The following AGBL1 variants were observed in gnomAD, a reference collection of about 807,000 sequenced individuals.
AGBL1 encodes cytosolic carboxypeptidase 4.
A neutral mutation model predicts 118.9 loss-of-function variants in AGBL1; 130 were observed. The ratio of observed to expected loss-of-function variants is 1.09; its 90% CI spans 0.95 to 1.26. The LOEUF is 1.26. Among genes scored for constraint, AGBL1 ranks in the 50% most tolerant of loss-of-function variants. The probability of loss-of-function intolerance (pLI) is 0.00; values close to 1 mark genes in which losing one functional copy is unlikely to be tolerated. For missense variants in AGBL1, 1,584 were observed against 1,298.1 expected, an observed-to-expected ratio of 1.22 and a Z score of -3.38; for synonymous variants, 555 against 478.9, an observed-to-expected ratio of 1.16 and a Z score of -2.08.
At chr15:87,025,851 C>G (rs2081721546) in intron 24 of AGBL1, among the ~76,000 whole-genome samples, 1 of 151,802 alleles carries the variant, frequency 6.6e-6, no homozygotes, top group Admixed American at 6.6e-5. Context: ...AGAAATGAAC[C>G]CAAATACTTA....
At chr15:86,116,934 C>A (rs1269525262) in intron 1 of AGBL1, among the ~76,000 whole-genome samples, 3 of 151,062 alleles carry the variant, frequency 2.0e-5, no homozygotes, top group Non-Finnish European at 4.4e-5. Flanking sequence ...GCCTCAGAAA[C>A]ACCTTTCTTT....
At chr15:87,007,316 G>T (rs1029643502) in intron 24 of AGBL1, among the ~76,000 whole-genome samples, 2 of 152,064 alleles carry the variant, frequency 1.3e-5, no homozygotes, top group Non-Finnish European at 2.9e-5. Context: ...CTCTTAAAAT[G>T]ATCCATATTA....
intron 21 of AGBL1, among the ~76,000 whole-genome samples, chr15:86,672,832 T>C (rs759879495): frequency 5.9e-5 from 9 of 152,184 alleles, no homozygotes; most frequent in Non-Finnish European, 1.0e-4. Context: ...AAGTAATGTC[T>C]CCTTTCTTTA....
At chr15:86,327,463 A>T (rs2080200727) in intron 17 of AGBL1, among the ~76,000 whole-genome samples, 1 of 152,236 alleles carries the variant, frequency 6.6e-6, no homozygotes, top group Admixed American at 6.5e-5. Context: ...CTTTGGATGT[A>T]GAAATTTTGG....
chr15:86,599,499 T>G (rs1020364839), intron 21 of AGBL1, among the ~76,000 whole-genome samples: 1 of 152,164 alleles, frequency 6.6e-6, no homozygotes, highest in Non-Finnish European at 1.5e-5. Flanking sequence ...AATTTACTTA[T>G]GTTATGCATT....
chr15:86,582,554 A>G lies in AGBL1; in HGVS notation c.2994+28017A>G, dbSNP rs576442439. On this transcript the variant is annotated intron_variant, in intron 21 of 22. Coordinates refer to ENST00000614907, the MANE Select transcript of AGBL1 (RefSeq NM_001386094.1). ...ATAAATCATGCTGCTATAAAGACAC[A>G]TGCACACGTATGTTTATTGAGGCAC... is the stretch of plus-strand genomic sequence containing the variant. Among the ~76,000 whole-genome samples, 98 of 152,250 alleles carry G rather than the reference A, an allele frequency of 6.4e-4. 1 individual carries two copies. The highest frequency in any genetic ancestry group is 2.2e-3 in the African/African-American group (90 of 41,548).
chr15:86,742,501 G>A (rs2077694538), intron 22 of AGBL1, among the ~76,000 whole-genome samples: 1 of 152,064 alleles, frequency 6.6e-6, no homozygotes, highest in Non-Finnish European at 1.5e-5. Context: ...TGGGCTTGAA[G>A]TATCACGAGA....
chr15:86,252,187 A>T (rs1014571366), intron 7 of AGBL1, among the ~76,000 whole-genome samples: 5 of 152,190 alleles, frequency 3.3e-5, no homozygotes, highest in Admixed American at 3.3e-4. Flanking sequence ...ATAAGAACTG[A>T]TATGGCCTTT....
At chr15:86,605,705 A>C (rs191378791) in intron 21 of AGBL1, among the ~76,000 whole-genome samples, 1 of 152,240 alleles carries the variant, frequency 6.6e-6, no homozygotes, top group Non-Finnish European at 1.5e-5. Flanking sequence ...ATTTTTCAGA[A>C]TATCGCAAAA....
At chr15:86,544,597 G>T (rs2083552621) in intron 19 of AGBL1, among the ~76,000 whole-genome samples, 1 of 152,136 alleles carries the variant, frequency 6.6e-6, no homozygotes, top group South Asian at 2.1e-4. Flanking sequence ...GGCAAGAGAA[G>T]GAATACAGGG....
chr15:86,640,173 T>C (rs1164165582), intron 21 of AGBL1, among the ~76,000 whole-genome samples: 6 of 152,190 alleles, frequency 3.9e-5, no homozygotes, highest in Non-Finnish European at 5.9e-5. Flanking sequence ...CCTAGATGAA[T>C]GCTCCACCTA....
intron 21 of AGBL1, among the ~76,000 whole-genome samples, chr15:86,626,339 G>A (rs1327334175): frequency 1.3e-5 from 2 of 152,282 alleles, no homozygotes; most frequent in East Asian, 1.9e-4. Context: ...GAAAAAGAAC[G>A]AGACCATGTC....
At chr15:86,260,900 C>G (rs966563869) in intron 9 of AGBL1, among the ~76,000 whole-genome samples, 6 of 152,152 alleles carry the variant, frequency 3.9e-5, no homozygotes, top group Non-Finnish European at 7.3e-5. Context: ...AGAATAAATG[C>G]CATTTATAAG....
chr15:86,831,595 A>C (rs896221848), intron 22 of AGBL1, among the ~76,000 whole-genome samples: 3 of 152,234 alleles, frequency 2.0e-5, no homozygotes, highest in African/African-American at 7.2e-5. Context: ...TCTCACATCC[A>C]GGTCATGCTG....
intron 22 of AGBL1, among the ~76,000 whole-genome samples, chr15:86,793,803 C>G (rs74439715): frequency 0.052 from 7,939 of 152,200 alleles, 433 homozygotes; most frequent in East Asian, 0.12. Flanking sequence ...CTTGAGTAGA[C>G]TTTTTCCAAA....
At chr15:86,410,807 G>GATAGATAT (rs1555481487) in intron 18 of AGBL1, among the ~76,000 whole-genome samples, 2 of 40,362 alleles carry the variant, frequency 5.0e-5, no homozygotes, top group South Asian at 7.9e-4. Flanking sequence ...GTCAAATGTA[G>GATAGATAT]ATATATATAT....
intron 22 of AGBL1, among the ~76,000 whole-genome samples, chr15:86,815,784 C>G (rs143873597): frequency 0.012 from 1,797 of 152,154 alleles, 26 homozygotes; most frequent in Middle Eastern, 0.061. Flanking sequence ...TCTTCTACCT[C>G]CCAGAATATG....
chr15:86,942,528 C>G (rs187047498), intron 23 of AGBL1, among the ~76,000 whole-genome samples: 1 of 152,138 alleles, frequency 6.6e-6, no homozygotes, highest in African/African-American at 2.4e-5. Flanking sequence ...TTCCAGGAAC[C>G]AGCAACCACA....
intron 13 of AGBL1, among the ~76,000 whole-genome samples, chr15:86,268,036 C>A (rs1748311591): frequency 6.6e-6 from 1 of 152,208 alleles, no homozygotes; most frequent in Non-Finnish European, 1.5e-5. Flanking sequence ...CTAAGTAATA[C>A]ACTTAAGTCT....
Sources: allele counts gnomAD v4.1 joint callset (sites outside exome capture counted in the v4.1 genomes callset), GRCh38; gene constraint gnomAD v4.1.1; transcripts MANE v1.5; gene names NCBI Gene and HGNC (gene_info 2026-07-23, HGNC 2026-07-21).